Variants in WDR88 observed in about 807,000 individuals in gnomAD.
WDR88 encodes WD repeat-containing protein 88.
Under a neutral mutation model 46.8 loss-of-function variants are expected in WDR88, and 40 were observed. That is an observed-to-expected ratio of 0.86 (90% CI 0.66 to 1.11). The LOEUF (loss-of-function observed/expected upper bound fraction) is 1.11, where lower values mean the gene tolerates loss of function less well. Among genes scored for constraint, WDR88 ranks in the 50% most tolerant of loss-of-function variants. The pLI is 0.00. For synonymous variants in WDR88, 235 were observed against 240.7 expected (o/e 0.98, Z 0.22); for missense variants, 562 against 602.4 (o/e 0.93, Z 0.70).
At chr19:33,154,083 T>C (rs1393632900) in intron 6 of WDR88, among the ~76,000 whole-genome samples, 20 of 152,168 alleles carry the variant, frequency 1.3e-4, no homozygotes, top group Admixed American at 3.3e-4. Context: ...ATAGCCATTT[T>C]CCCCAAACTT....
chr19:33,175,359 C>G (rs775198864), intron 10 of WDR88, 37 bp from the exon 11 acceptor site: 1 of 1,604,976 alleles, frequency 6.2e-7, no homozygotes, highest in African/African-American at 1.3e-5. Flanking sequence ...CTCTGACCAG[C>G]ACCTCCTTTC....
intron 1 of WDR88, among the ~76,000 whole-genome samples, chr19:33,137,207 C>T (rs1973286270): frequency 6.6e-6 from 1 of 151,532 alleles, no homozygotes; most frequent in Non-Finnish European, 1.5e-5. Flanking sequence ...CTGCCCCAGC[C>T]TCCCAGAATG....
At chr19:33,165,631 G>A (rs966181176) in intron 9 of WDR88, among the ~76,000 whole-genome samples, 2 of 152,110 alleles carry the variant, frequency 1.3e-5, no homozygotes, top group Non-Finnish European at 1.5e-5. Context: ...AGTGGCTCAC[G>A]CCTGTAATCC....
chr19:33,140,178 A>G (rs1053320639), intron 2 of WDR88, among the ~76,000 whole-genome samples: 2 of 152,172 alleles, frequency 1.3e-5, no homozygotes, highest in African/African-American at 4.8e-5. Context: ...TTTTAGAGAC[A>G]GAGTCTTTCT....
intron 3 of WDR88, 22 bp from the exon 4 acceptor site, chr19:33,147,623 G>A (rs73039475): frequency 0.016 from 25,447 of 1,611,662 alleles, 263 homozygotes; most frequent in Non-Finnish European, 0.019. Flanking sequence ...ACCAGTGTTC[G>A]TCATCGTCAT....
At chr19:33,155,168 T>C (rs1973710658) in intron 6 of WDR88, among the ~76,000 whole-genome samples, 1 of 152,142 alleles carries the variant, frequency 6.6e-6, no homozygotes, top group East Asian at 1.9e-4. Context: ...TGAGATAGAG[T>C]CTTGCACTGT....
chr19:33,170,982 ATAT>A (rs544315667), intron 9 of WDR88, among the ~76,000 whole-genome samples: 2 of 152,222 alleles, frequency 1.3e-5, no homozygotes, highest in South Asian at 4.1e-4. Flanking sequence ...TAAATAAAAA[ATAT>A]TATTATTATT....
intron 2 of WDR88, among the ~76,000 whole-genome samples, chr19:33,140,899 C>G (rs878864052): frequency 6.6e-6 from 1 of 151,192 alleles, no homozygotes; most frequent in Non-Finnish European, 1.5e-5. Context: ...AATCATATTA[C>G]CTTTGTAATA....
At chr19:33,164,433 G>A (rs562462605) in intron 9 of WDR88, among the ~76,000 whole-genome samples, 168 bp downstream of exon 9, 44 of 152,350 alleles carry the variant, frequency 2.9e-4, no homozygotes, top group South Asian at 6.2e-4. Context: ...CCTTCTATGC[G>A]CAAACGCGAT....
intron 1 of WDR88, among the ~76,000 whole-genome samples, chr19:33,136,095 GC>G (rs1291826994): frequency 1.4e-5 from 2 of 147,046 alleles, no homozygotes; most frequent in African/African-American, 2.5e-5. Context: ...TGCTCTTGTT[GC>G]CCAGGCTGGA....
intron 5 of WDR88, among the ~76,000 whole-genome samples, chr19:33,149,893 C>T (rs1973598178): frequency 6.6e-6 from 1 of 151,996 alleles, no homozygotes. Flanking sequence ...CTCCTGACCT[C>T]AGGTGATCTG....
intron 7 of WDR88, among the ~76,000 whole-genome samples, chr19:33,157,659 A>G (rs1184541183): frequency 2.0e-5 from 2 of 97,668 alleles, no homozygotes; most frequent in African/African-American, 5.9e-5. Flanking sequence ...GTATGTATAT[A>G]TGTATGTATG....
rs193290100 is a variant in WDR88, at chr19:33,171,216, C to A, written c.1150-1132C>A. On this transcript the variant is annotated intron_variant, in intron 9 of 10. Transcript: ENST00000355868. ...GGCCAGGCTGGTCTCAAACTCCTGA[C>A]CTCAGGTGATCCGCCTGCCTTGGCC... Among the ~76,000 whole-genome samples, 870 of 152,302 alleles carry A rather than the reference C, an allele frequency of 5.7e-3. 4 individuals carry two copies. The highest frequency in any genetic ancestry group is 0.017 in the Middle Eastern group (5 of 294).
chr19:33,135,486 T>C (rs1016664997), intron 1 of WDR88, among the ~76,000 whole-genome samples: 9 of 152,202 alleles, frequency 5.9e-5, no homozygotes, highest in African/African-American at 1.7e-4. Flanking sequence ...TGGCGTGATC[T>C]TGGCTCACTG....
intron 10 of WDR88, 97 bp downstream of exon 10, chr19:33,172,537 C>A: frequency 1.0e-6 from 1 of 970,722 alleles, no homozygotes; most frequent in Non-Finnish European, 1.5e-6. Context: ...CCTGGAGATG[C>A]AATCGTGAAC....
intron 4 of WDR88, among the ~76,000 whole-genome samples, chr19:33,148,392 C>T (rs1280288428): frequency 6.6e-6 from 1 of 152,130 alleles, no homozygotes; most frequent in Admixed American, 6.6e-5. Flanking sequence ...TCATTGTAAA[C>T]ATTTTTAGAA....
intron 1 of WDR88, among the ~76,000 whole-genome samples, chr19:33,134,840 A>ACCCCCCCCCCCC (rs766617576): frequency 5.4e-4 from 34 of 62,402 alleles, no homozygotes; most frequent in Middle Eastern, 7.1e-3. Flanking sequence ...CGTCCCCGAC[A>ACCCCCCCCCCCC]CCCCCCCCCC....
At chr19:33,162,456 A>G (rs1973884691) in intron 8 of WDR88, among the ~76,000 whole-genome samples, 1 of 151,400 alleles carries the variant, frequency 6.6e-6, no homozygotes, top group East Asian at 2.0e-4. Flanking sequence ...CTCGTGATCT[A>G]TCCGCCTCGG....
At position 33,151,387 on chromosome 19, in the gene WDR88, G is replaced by T; in HGVS notation, c.809+77G>T. ...TCATGACTTCCTGAATTCCACATAA[G>T]CCAGCATCCATGTGGACACGTCTGT... On this transcript the variant is annotated intron_variant, in intron 6 of 10. Transcript: ENST00000355868. 2.0e-6 allele frequency: 3 copies of T among 1,529,220 alleles called. No individual in the cohort carries two copies. In the South Asian group the frequency reaches 3.7e-5, roughly 19 times the overall value. The allele number at this position is 1,529,220 out of a possible 1,614,324, so 94.7% of individuals were successfully genotyped here. A position where few individuals can be genotyped will look rare whatever the true frequency, so the allele number is the denominator to read the frequency against.
Sources: allele counts gnomAD v4.1 joint callset (sites outside exome capture counted in the v4.1 genomes callset), GRCh38; gene constraint gnomAD v4.1.1; transcripts MANE v1.5; gene names NCBI Gene and HGNC (gene_info 2026-07-23, HGNC 2026-07-21).